The following HERC2 variants were observed in gnomAD, a reference collection of about 807,000 sequenced individuals.
HERC2 encodes HECT and RLD domain containing E3 ubiquitin protein ligase 2.
In HERC2, 102 loss-of-function variants were observed where a neutral mutation model predicts 537.7. That is an observed-to-expected ratio of 0.19 (90% CI 0.16 to 0.22). The LOEUF (loss-of-function observed/expected upper bound fraction) is 0.22, where lower values mean the gene tolerates loss of function less well. Ranked by LOEUF, HERC2 falls within the 10% of genes least tolerant of loss-of-function variation. HERC2 has a pLI of 1.00. For synonymous variants in HERC2, 2,224 were observed against 2,466.2 expected, an observed-to-expected ratio of 0.90 and a Z score of 2.91; for missense variants, 4,236 against 6,198.2, an observed-to-expected ratio of 0.68 and a Z score of 10.63.
In HERC2 at chr15:28,163,146, C is replaced by T. The variant is rs1893790027; in HGVS notation, c.10694G>A (p.Gly3565Asp). Residue 3565 changes from glycine (G) to aspartate (D), a missense_variant, in exon 69 of 93, where the codon GGC becomes GAC. By Grantham distance (94) the Gly-to-Asp change is moderately conservative (BLOSUM62 -1). Around this residue, in one of 27 missense-constraint regions of HERC2, gnomAD observed 356 missense variants for 450.9 expected, o/e 0.79. Transcript: ENST00000261609. Reference protein sequence around the residue: ...LSVCSRAGDRGRDVLSAVLSG... With the variant: ...LSVCSRAGDRDRDVLSAVLSG... The stretch of plus-strand genomic sequence containing the variant: ...AAGCACCGCGGAGAGCACATCCCTG[C>T]CCCTGTCCCCGGCCCGGCTGCACAC... 6.2e-7 allele frequency: 1 copy of T among 1,612,720 alleles called. No individual in the cohort carries two copies. The highest frequency in any genetic ancestry group is 1.3e-5 in the African/African-American group (1 of 74,932).
intron 2 of HERC2, among the ~76,000 whole-genome samples, chr15:28,307,905 GGTCTGT>G (rs1238897263): frequency 6.6e-6 from 1 of 152,038 alleles, no homozygotes; most frequent in African/African-American, 2.4e-5. Flanking sequence ...CTGTTCCGTT[GGTCTGT>G]GTCTGTTTTA....
chr15:28,178,316 C>T (rs1424241309), intron 59 of HERC2, among the ~76,000 whole-genome samples: 1 of 152,222 alleles, frequency 6.6e-6, no homozygotes, highest in Non-Finnish European at 1.5e-5. Context: ...TAGTCTAAGA[C>T]CATCTTCCCA....
chr15:28,173,322 T>C (rs1894875171), intron 65 of HERC2, among the ~76,000 whole-genome samples: 1 of 152,134 alleles, frequency 6.6e-6, no homozygotes, highest in Non-Finnish European at 1.5e-5. Context: ...AGCCCAAACA[T>C]TCATCAACAG....
intron 64 of HERC2, 66 bp downstream of exon 64, chr15:28,175,446 G>A (rs543051473): frequency 5.3e-5 from 77 of 1,451,714 alleles, no homozygotes; most frequent in Middle Eastern, 1.8e-4. Flanking sequence ...GACGAAGGCC[G>A]TGTCATGACC....
intron 4 of HERC2, among the ~76,000 whole-genome samples, chr15:28,284,278 T>C (rs1214192144): frequency 2.0e-5 from 3 of 151,320 alleles, no homozygotes; most frequent in Admixed American, 6.6e-5. Flanking sequence ...ACAGATAAAA[T>C]AGAATGCTAA....
chr15:28,130,667 T>C, intron 81 of HERC2, 73 bp from the exon 82 acceptor site: 1 of 1,026,352 alleles, frequency 9.7e-7, no homozygotes, highest in South Asian at 1.3e-5. Context: ...ACACTGAGAT[T>C]TAACTAAATC....
At chr15:28,260,381 G>T (rs1245190150) in intron 16 of HERC2, among the ~76,000 whole-genome samples, 1 of 152,022 alleles carries the variant, frequency 6.6e-6, no homozygotes, top group East Asian at 1.9e-4. Context: ...TGATAATAAG[G>T]CATCTACATA....
Position 28,178,972 on chromosome 15 carries a change from C to G in HERC2, c.9078G>C (p.Leu3026=). 1.2e-6 allele frequency: 2 copies of G among 1,614,228 alleles called. No individual in the cohort carries two copies. The highest frequency in any genetic ancestry group is 1.1e-5 in the South Asian group (1 of 91,084). The part of the protein sequence containing the change: ...CGEATNGRLG[L]GISSGTVPIP... ...TGGGCACCGTCCCGCTGGAAATGCCCAGCCCCAGCCGGCCATTCGTGGCTT... is the reference window on the plus strand; with the variant it reads ...TGGGCACCGTCCCGCTGGAAATGCCGAGCCCCAGCCGGCCATTCGTGGCTT... The change falls in exon 59 of 93, where the codon CTG becomes CTC. Residue 3026 remains leucine, a synonymous_variant. Coordinates refer to ENST00000261609, the MANE Select transcript of HERC2 (RefSeq NM_004667.6).
chr15:28,180,217 C>G (rs1895696374), intron 57 of HERC2, among the ~76,000 whole-genome samples: 1 of 152,192 alleles, frequency 6.6e-6, no homozygotes, highest in South Asian at 2.1e-4. Context: ...CACTGAGTTA[C>G]AACTGCCTAC....
chr15:28,273,300 G>C, intron 7 of HERC2: 1 of 447,650 alleles, frequency 2.2e-6, no homozygotes, highest in East Asian at 4.7e-5. Flanking sequence ...AACATAAGTA[G>C]AAGAATATCT....
chr15:28,279,966 G>C, intron 5 of HERC2, 102 bp downstream of exon 5: 1 of 838,884 alleles, frequency 1.2e-6, no homozygotes, highest in East Asian at 2.6e-5. Context: ...AATTTCAGAA[G>C]GTGAAGACAG....
At chr15:28,218,806 C>T (rs961121018) in intron 37 of HERC2, 135 bp from the exon 38 acceptor site, 53 of 782,202 alleles carry the variant, frequency 6.8e-5, no homozygotes, top group South Asian at 1.4e-4. Context: ...TTTAGGTTCA[C>T]GCAAAATTGA....
At chr15:28,157,571 C>T (rs1043965770) in intron 69 of HERC2, among the ~76,000 whole-genome samples, 1 of 152,170 alleles carries the variant, frequency 6.6e-6, no homozygotes, top group African/African-American at 2.4e-5. Flanking sequence ...GTTTGTACTT[C>T]TATGGAATCA....
At chr15:28,181,646 C>A (rs1895829797) in intron 57 of HERC2, among the ~76,000 whole-genome samples, 1 of 152,250 alleles carries the variant, frequency 6.6e-6, no homozygotes, top group Non-Finnish European at 1.5e-5. Flanking sequence ...TGTGGCTCCT[C>A]AGCCAGGAGA....
At chr15:28,232,790 A>G (rs1017576108) in intron 30 of HERC2, among the ~76,000 whole-genome samples, 10 of 152,212 alleles carry the variant, frequency 6.6e-5, no homozygotes, top group Non-Finnish European at 1.5e-4. Flanking sequence ...ACATTTCTTT[A>G]GAAGAATGGC....
In HERC2 at chr15:28,256,204, G is replaced by C. The variant is rs754636290; in HGVS notation, c.2631C>G (p.Gly877=). 1 of 1,600,578 alleles carries C rather than the reference G, an allele frequency of 6.2e-7. No individual in the cohort carries two copies. The highest frequency in any genetic ancestry group is 8.5e-7 in the Non-Finnish European group (1 of 1,179,836). ...QTVVTLASSA[G]VLSTVQSAAQ... ...CGGCCGACTGCACGGTGCTCAGCAC[G>C]CCCGCACTGCTGGCCAGGGTCACCA... Residue 877 remains glycine, a synonymous_variant, in exon 18 of 93, where the codon GGC becomes GGG. Transcript: ENST00000261609.
In HERC2 at chr15:28,274,279, G is replaced by C. The variant is rs761377279; in HGVS notation, c.800+12C>G. 5.6e-6 allele frequency: 9 copies of C among 1,613,724 alleles called. No individual in the cohort carries two copies. Among genetic ancestry groups the C allele is most frequent in the South Asian group, 1.1e-5 (1 of 91,066 alleles). The stretch of plus-strand genomic sequence containing the variant: ...TGTCTGCGTGCAGAAGGCAAGAAAG[G>C]AAAGAACTCACCCCGTCACGACGGA... On this transcript the variant is annotated intron_variant, in intron 7 of 92. Transcript: ENST00000261609.
chr15:28,142,974 T>C, intron 74 of HERC2, 22 bp from the exon 75 acceptor site: 1 of 1,606,140 alleles, frequency 6.2e-7, no homozygotes, highest in Non-Finnish European at 8.5e-7. Flanking sequence ...CAGAACAGTA[T>C]TCTATCGCAG....
chr15:28,214,932 G>C, intron 39 of HERC2, 130 bp from the exon 40 acceptor site: 1 of 711,130 alleles, frequency 1.4e-6, no homozygotes, highest in South Asian at 1.9e-5. Flanking sequence ...GAGTGCAGTG[G>C]CACGGTCTCG....
Sources: gnomAD v4.1 joint callset for allele counts (sites outside exome capture counted in the v4.1 genomes callset) on GRCh38, gnomAD v4.1.1 for gene constraint, gnomAD v4.1.1 regional missense constraint, MANE v1.5 for transcripts, NCBI Gene and HGNC (gene_info 2026-07-23, HGNC 2026-07-21) for gene names.